The following CUBN variants were observed in gnomAD, a reference collection of about 807,000 sequenced individuals.
CUBN encodes the protein cubilin.
CUBN carries 282 observed loss-of-function variants against 405.3 expected under a neutral mutation model. The observed-to-expected ratio is 0.70, with a 90% CI of 0.63 to 0.77. The LOEUF (loss-of-function observed/expected upper bound fraction) is 0.77. Among genes scored for constraint, CUBN ranks in the 30% least tolerant of loss-of-function variants. CUBN has a pLI of 0.00. For missense variants in CUBN, 4,514 were observed against 4,475.2 expected (o/e 1.01, Z -0.25); for synonymous variants, 1,684 against 1,617.0 (o/e 1.04, Z -0.99).
intron 64 of CUBN, among the ~76,000 whole-genome samples, chr10:16,834,805 T>A (rs1434083362): frequency 6.6e-6 from 1 of 152,170 alleles, no homozygotes; most frequent in Non-Finnish European, 1.5e-5. Flanking sequence ...CCTGCCAGAC[T>A]AGGAGTCTCC....
At chr10:17,066,096 T>A (rs1273213943) in intron 21 of CUBN, among the ~76,000 whole-genome samples, 3 of 152,158 alleles carry the variant, frequency 2.0e-5, no homozygotes, top group African/African-American at 7.2e-5. Flanking sequence ...TAGAGTTGTT[T>A]TGAGAATGTG....
rs779269108 is a variant in CUBN at position 16,913,874 on chromosome 10, G to A, written c.7470C>T (p.Ile2490=). The A allele has an allele frequency of 2.3e-5, 37 of 1,613,998 alleles. No individual in the cohort carries two copies. The highest frequency in any genetic ancestry group is 2.9e-5 in the Non-Finnish European group (34 of 1,180,032). The change falls in exon 48 of 67, where the codon ATC becomes ATT. Residue 2490 remains isoleucine (I), a synonymous_variant. Transcript: ENST00000377833. ...WRITAPEGRR[I]TLMFNNLRLA... ...GCCTCAGGTTGTTAAACATTAGGGT[G>A]ATCCGCCTTCCCTCCGGGGCAGTGA...
intron 36 of CUBN, among the ~76,000 whole-genome samples, chr10:16,942,263 T>C (rs1459842722): frequency 6.6e-6 from 1 of 152,138 alleles, no homozygotes; most frequent in Non-Finnish European, 1.5e-5. Flanking sequence ...GAGTTTCTCA[T>C]AAAATTAAAT....
intron 39 of CUBN, among the ~76,000 whole-genome samples, chr10:16,935,863 G>C (rs1174909751): frequency 8.7e-6 from 1 of 114,680 alleles, no homozygotes; most frequent in Non-Finnish European, 1.6e-5. Context: ...CTGGGCGACA[G>C]AGCGAGACTC....
chr10:17,107,574 T>C (rs1316820284), intron 10 of CUBN, among the ~76,000 whole-genome samples: 1 of 150,636 alleles, frequency 6.6e-6, no homozygotes. Context: ...CTCAGCTCAC[T>C]GTAAGCTCCG....
intron 31 of CUBN, among the ~76,000 whole-genome samples, chr10:16,960,514 C>T (rs893317192): frequency 2.6e-5 from 4 of 151,612 alleles, no homozygotes; most frequent in Non-Finnish European, 4.4e-5. Flanking sequence ...ACAAAAAACC[C>T]CCACAAAAAC....
intron 12 of CUBN, 70 bp from the exon 13 acceptor site, chr10:17,103,307 T>A: frequency 1.1e-6 from 1 of 921,620 alleles, no homozygotes; most frequent in Middle Eastern, 2.1e-4. Context: ...ACTGTAACCC[T>A]GCTGCTGATA....
rs1836463498 is a variant in CUBN, at chr10:17,100,119, A to G, written c.1651T>C (p.Ser551Pro). ...SAFQLGRFCG[S>P]SLPHELLSSD... is the part of the protein sequence containing the mutation. ...CTGAGGAGTTCATGAGGGAGGCTGGAGCCACAAAATCTTCCAAGTTGAAAA... is the reference window on the plus strand; with the variant it reads ...CTGAGGAGTTCATGAGGGAGGCTGGGGCCACAAAATCTTCCAAGTTGAAAA... The change falls in exon 14 of 67, where the codon TCC (serine) becomes CCC (proline). Residue 551 changes from serine (S) to proline (P), a missense_variant. Physicochemically the swap from Ser to Pro is moderately conservative, Grantham distance 74. Transcript: ENST00000377833. The G allele has an allele frequency of 9.9e-6, 16 of 1,613,756 alleles. No homozygotes were observed. The highest frequency in any genetic ancestry group is 3.3e-5 in the South Asian group (3 of 91,078).
intron 23 of CUBN, among the ~76,000 whole-genome samples, chr10:17,046,704 A>G (rs1270252145): frequency 2.6e-5 from 4 of 152,190 alleles, no homozygotes; most frequent in Non-Finnish European, 4.4e-5. Context: ...ATAGGGTCCA[A>G]TTATGATTTA....
chr10:16,980,411 A>C (rs1234954517), intron 31 of CUBN, among the ~76,000 whole-genome samples: 2 of 152,234 alleles, frequency 1.3e-5, no homozygotes, highest in Non-Finnish European at 2.9e-5. Flanking sequence ...CTGCAGCACT[A>C]TTCACAATGG....
intron 22 of CUBN, among the ~76,000 whole-genome samples, chr10:17,054,011 C>A (rs1181183974): frequency 6.6e-6 from 1 of 151,888 alleles, no homozygotes; most frequent in African/African-American, 2.4e-5. Context: ...ATATTTTGAA[C>A]TGGAAGTTAC....
chr10:16,888,669 T>A, intron 55 of CUBN, 103 bp from the exon 56 acceptor site: 1 of 956,276 alleles, frequency 1.0e-6, no homozygotes, highest in Non-Finnish European at 1.7e-6. Context: ...TAGACATAGT[T>A]CCCTGAGATA....
rs1801233 is a variant in CUBN, at chr10:16,939,041, A to G, written c.5655T>C (p.Asn1885=). Residue 1885 remains asparagine (N), a synonymous_variant, in exon 38 of 67, where the codon AAT becomes AAC. Coordinates refer to ENST00000377833, the MANE Select transcript of CUBN (RefSeq NM_001081.4). ...TTCTACCATGGACAACGTGAGATGC[A>G]TTCACATTTACTGTCCATTGGTAAT... is the stretch of plus-strand genomic sequence containing the variant. ...NSNYQWTVNV[N]ASHVVHGRIL... 4 of 1,613,810 alleles carry G rather than the reference A, an allele frequency of 2.5e-6. No individual in the cohort carries two copies. The highest frequency in any genetic ancestry group is 2.5e-6 in the Non-Finnish European group (3 of 1,179,700).
chr10:17,068,174 A>C lies in CUBN; in HGVS notation c.2898T>G (p.Pro966=), dbSNP rs1159971539. The C allele has an allele frequency of 2.5e-6, 4 of 1,613,640 alleles. No homozygotes were observed. Among genetic ancestry groups the C allele is most frequent in the Admixed American group, 1.7e-5 (1 of 59,984 alleles). The change falls in exon 21 of 67, where the codon CCT becomes CCG. Residue 966 remains proline, a synonymous_variant. Coordinates refer to ENST00000377833, the MANE Select transcript of CUBN (RefSeq NM_001081.4). ...CGAACATTAAATGAATCAGGTGATT[A>C]GGTTGGACTAATATATGCCAAGTAC... The part of the protein sequence containing the change: ...INCTWHILVQ[P]NHLIHLMFET...
At chr10:17,114,613 G>A (rs1013827092) in intron 7 of CUBN, among the ~76,000 whole-genome samples, 7 of 152,076 alleles carry the variant, frequency 4.6e-5, no homozygotes, top group East Asian at 1.9e-4. Flanking sequence ...ATCATTGGAC[G>A]GGAATTATTT....
intron 43 of CUBN, among the ~76,000 whole-genome samples, chr10:16,920,451 C>A (rs1383580111): frequency 6.6e-6 from 1 of 152,150 alleles, no homozygotes; most frequent in Admixed American, 6.5e-5. Flanking sequence ...TAAATATCCA[C>A]CACTTCGATA....
At chr10:16,954,274 A>T in intron 32 of CUBN, 115 bp downstream of exon 32, 2 of 1,190,560 alleles carry the variant, frequency 1.7e-6, no homozygotes, top group Non-Finnish European at 2.5e-6. Flanking sequence ...TTAATTTTTT[A>T]CATGTTAAGT....
intron 66 of CUBN, among the ~76,000 whole-genome samples, chr10:16,825,807 C>T (rs1838760034): frequency 6.6e-6 from 1 of 152,080 alleles, no homozygotes; most frequent in Non-Finnish European, 1.5e-5. Flanking sequence ...GCCCTGCTCT[C>T]ATGATGCTTA....
intron 14 of CUBN, among the ~76,000 whole-genome samples, chr10:17,094,230 C>T (rs1836325460): frequency 6.6e-6 from 1 of 151,858 alleles, no homozygotes; most frequent in Non-Finnish European, 1.5e-5. Flanking sequence ...GGTTCCTCTC[C>T]CCAAAAAAAT....
Sources: allele counts gnomAD v4.1 joint callset (sites outside exome capture counted in the v4.1 genomes callset), GRCh38; gene constraint gnomAD v4.1.1; transcripts MANE v1.5; gene names NCBI Gene and HGNC (gene_info 2026-07-23, HGNC 2026-07-21).